Variants in ABCB4 observed in about 807,000 individuals in gnomAD.
ABCB4 encodes phosphatidylcholine translocator ABCB4.
ABCB4 carries 76 observed loss-of-function variants against 145.7 expected under a neutral mutation model. The ratio of observed to expected loss-of-function variants is 0.52; its 90% CI spans 0.43 to 0.63. ABCB4 has a LOEUF of 0.63. ABCB4 is among the 30% of genes least tolerant of loss of function. The probability of loss-of-function intolerance (pLI) is 0.00; values close to 1 mark genes in which losing one functional copy is unlikely to be tolerated. For synonymous variants in ABCB4, 517 were observed against 566.8 expected, an observed-to-expected ratio of 0.91 and a Z score of 1.25; for missense variants, 1,234 against 1,553.1, an observed-to-expected ratio of 0.79 and a Z score of 3.45.
intron 3 of ABCB4, 92 bp downstream of exon 3, chr7:87,472,529 A>G: frequency 8.6e-7 from 1 of 1,157,200 alleles, no homozygotes; most frequent in Middle Eastern, 2.0e-4. Context: ...TAGCTAGACA[A>G]TCTTAAAGTA....
At chr7:87,390,261 G>T in the ABCB4 span, among the ~76,000 whole-genome samples, 1 of 152,130 alleles carries the variant, frequency 6.6e-6, no homozygotes, top group Non-Finnish European at 1.5e-5. Context: ...AAGATTAAGA[G>T]TGTGTTTACT....
chr7:87,470,308 G>A (rs746052939), intron 3 of ABCB4, among the ~76,000 whole-genome samples: 6 of 152,168 alleles, frequency 3.9e-5, no homozygotes, highest in Non-Finnish European at 7.3e-5. Flanking sequence ...CATAGGCATG[G>A]TCAAGGAGTT....
the ABCB4 span, among the ~76,000 whole-genome samples, chr7:87,372,241 C>G: frequency 6.6e-6 from 1 of 152,032 alleles, no homozygotes; most frequent in African/African-American, 2.4e-5. Flanking sequence ...CTACATTAAT[C>G]TTTTATACAT....
rs568655476 is a variant in ABCB4 at position 87,414,607 on chromosome 7, T to C, written c.2683-890A>G. Among the ~76,000 whole-genome samples the C allele has an allele frequency of 2.6e-5, 4 of 152,356 alleles. No homozygotes were observed. The East Asian group carries it at 7.7e-4, about 29-fold the overall frequency. On this transcript the variant is annotated intron_variant, in intron 21 of 27. Coordinates refer to ENST00000649586, the MANE Select transcript of ABCB4 (RefSeq NM_000443.4). ...TTTAGTCTAAATCTTAGTTCTGTAGTTGAGTCATCTAAACCAACAGCACAT... is the reference window on the plus strand; with the variant it reads ...TTTAGTCTAAATCTTAGTTCTGTAGCTGAGTCATCTAAACCAACAGCACAT...
rs545190378 is a variant in ABCB4 at position 87,469,328 on chromosome 7, C to G, written c.135+3293G>C. On this transcript the variant is annotated intron_variant, in intron 3 of 27. Transcript: ENST00000649586. ...AAATTGGCACAAGACAGGATGCCCT[C>G]TCTCACCACTCCTATTCAACATAGT... 3.3e-5 allele frequency among the ~76,000 whole-genome samples: 5 copies of G among 152,310 alleles called. No homozygotes were observed. The East Asian group carries it at 9.6e-4, about 29-fold the overall frequency.
the ABCB4 span, among the ~76,000 whole-genome samples, chr7:87,371,223 A>G: frequency 1.4e-4 from 21 of 152,252 alleles, no homozygotes; most frequent in African/African-American, 4.3e-4. Context: ...GTTTGTATTT[A>G]TAGTCTTCCT....
chr7:87,413,505 C>T lies in ABCB4; in HGVS notation c.2783+112G>A, dbSNP rs1489829793. On this transcript the variant is annotated intron_variant, in intron 22 of 27. Coordinates refer to ENST00000649586, the MANE Select transcript of ABCB4 (RefSeq NM_000443.4). ...GACAGAATTGTTGAAAAAAGGCCACCCTTATAGTCATATCATTGTTTGGAG... is the reference window on the plus strand; with the variant it reads ...GACAGAATTGTTGAAAAAAGGCCACTCTTATAGTCATATCATTGTTTGGAG... 25 of 766,456 alleles carry T rather than the reference C, an allele frequency of 3.3e-5. No individual in the cohort carries two copies. The Admixed American group carries it at 4.9e-4, about 15-fold the overall frequency. 47.5% of individuals were successfully genotyped at this position (766,456 alleles called of 1,614,324 possible). A position where few individuals can be genotyped will look rare whatever the true frequency, so the allele number is the denominator to read the frequency against.
chr7:87,427,819 G>C (rs1809944295), intron 15 of ABCB4, among the ~76,000 whole-genome samples: 2 of 152,024 alleles, frequency 1.3e-5, no homozygotes, highest in South Asian at 4.1e-4. Context: ...ATATTGCCTT[G>C]AACCACATTG....
At chr7:87,460,464 A>G (rs1379006670) in intron 4 of ABCB4, among the ~76,000 whole-genome samples, 1 of 152,008 alleles carries the variant, frequency 6.6e-6, no homozygotes, top group Admixed American at 6.5e-5. Context: ...AGTAGATCTC[A>G]GTGTCTATTG....
At chr7:87,417,056 G>T (rs1809023411) in intron 21 of ABCB4, among the ~76,000 whole-genome samples, 1 of 152,312 alleles carries the variant, frequency 6.6e-6, no homozygotes, top group Middle Eastern at 3.4e-3. Flanking sequence ...AAAATGAAAT[G>T]CACTTTGAAT....
chr7:87,457,822 TC>T (rs1812198330), intron 4 of ABCB4, among the ~76,000 whole-genome samples: 1 of 152,156 alleles, frequency 6.6e-6, no homozygotes, highest in Non-Finnish European at 1.5e-5. Flanking sequence ...GGAAACATAG[TC>T]TTCATTTTCA....
the ABCB4 span, chr7:87,391,437 G>T: frequency 1.5e-6 from 1 of 675,684 alleles, no homozygotes; most frequent in Non-Finnish European, 2.3e-6. Flanking sequence ...CTTTGGTATT[G>T]GAAATAGGCT....
At chr7:87,454,779 G>C (rs1812000707) in intron 4 of ABCB4, among the ~76,000 whole-genome samples, 187 bp from the exon 5 acceptor site, 1 of 152,158 alleles carries the variant, frequency 6.6e-6, no homozygotes, top group Non-Finnish European at 1.5e-5. Flanking sequence ...CAAGTAAAGA[G>C]CCCAAGGGTT....
At chr7:87,421,487 A>C (rs1269377389) in intron 18 of ABCB4, among the ~76,000 whole-genome samples, 1 of 152,162 alleles carries the variant, frequency 6.6e-6, no homozygotes, top group Non-Finnish European at 1.5e-5. Flanking sequence ...TAAATAAAAA[A>C]CTTGGTTTAC....
chr7:87,458,523 T>G (rs991094968), intron 4 of ABCB4, among the ~76,000 whole-genome samples: 9 of 152,224 alleles, frequency 5.9e-5, no homozygotes, highest in Non-Finnish European at 1.0e-4. Flanking sequence ...CTCTAAGAGA[T>G]AAGCTGGAAC....
the ABCB4 span, chr7:87,392,959 G>A: frequency 1.4e-5 from 23 of 1,613,594 alleles, no homozygotes; most frequent in Non-Finnish European, 1.9e-5. Context: ...GGAGGAGGTG[G>A]AAATTTTGTT....
At chr7:87,469,820 T>A (rs1213260720) in intron 3 of ABCB4, among the ~76,000 whole-genome samples, 11 of 152,222 alleles carry the variant, frequency 7.2e-5, no homozygotes, top group Admixed American at 5.9e-4. Flanking sequence ...TTCAATGCCA[T>A]CCCCATCAAG....
At chr7:87,469,509 G>A (rs1257587592) in intron 3 of ABCB4, among the ~76,000 whole-genome samples, 1 of 152,184 alleles carries the variant, frequency 6.6e-6, no homozygotes, top group African/African-American at 2.4e-5. Context: ...AAGCTGATAA[G>A]CAACTTCAGC....
At chr7:87,399,052 T>C (rs1430721574), downstream of ABCB4, 2 of 175,076 alleles carry the variant, frequency 1.1e-5, no homozygotes, top group Non-Finnish European at 2.4e-5. Flanking sequence ...TTTTTTTAGC[T>C]GCCAAAGGGT....
Sources: allele counts gnomAD v4.1 joint callset (sites outside exome capture counted in the v4.1 genomes callset), GRCh38; gene constraint gnomAD v4.1.1; transcripts MANE v1.5; gene names NCBI Gene and HGNC (gene_info 2026-07-23, HGNC 2026-07-21).